CSMD1: variants seen among roughly 807,000 people sequenced by gnomAD.
CSMD1 encodes CUB and Sushi multiple domains 1.
Under a neutral mutation model 417.5 loss-of-function variants are expected in CSMD1, and 213 were observed. That is an observed-to-expected ratio of 0.51 (90% CI 0.46 to 0.57). The LOEUF (loss-of-function observed/expected upper bound fraction) is 0.57, where lower values mean the gene tolerates loss of function less well. Ranked by LOEUF, CSMD1 falls within the 20% of genes least tolerant of loss-of-function variation. The pLI is 0.00. For synonymous variants in CSMD1, 2,862 were observed against 1,736.8 expected (o/e 1.65, Z -16.11); for missense variants, 6,923 against 4,529.7 (o/e 1.53, Z -15.17).
At chr8:4,024,512 T>C (rs185055776) in intron 4 of CSMD1, among the ~76,000 whole-genome samples, 126 of 152,316 alleles carry the variant, frequency 8.3e-4, no homozygotes, top group African/African-American at 3.0e-3. Flanking sequence ...TGTTACAATG[T>C]CCAAGTCAGA....
intron 5 of CSMD1, among the ~76,000 whole-genome samples, chr8:3,963,409 T>G (rs1812455120): frequency 6.6e-6 from 1 of 152,312 alleles, no homozygotes; most frequent in East Asian, 1.9e-4. Context: ...CCATGGTTCC[T>G]AAGTAGCTTG....
In CSMD1 at chr8:4,994,364, A is replaced by T; in HGVS notation, c.53T>A (p.Val18Glu). The T allele has an allele frequency of 6.2e-7, 1 of 1,611,964 alleles. No homozygotes were observed. The highest frequency in any genetic ancestry group is 8.5e-7 in the Non-Finnish European group (1 of 1,179,834). The change falls in exon 1 of 70, where the codon GTG becomes GAG. Residue 18 changes from valine (V) to glutamate (E), a missense_variant. Val to Glu is a moderately radical substitution (Grantham distance 121, BLOSUM62 -2). Coordinates refer to ENST00000635120, the MANE Select transcript of CSMD1 (RefSeq NM_033225.6). ...TGCAGTGAGGAGCCTCGCGCACAGC[A>T]CCAGCAGCCCGAGAAGCAGGAGCAG... ...QSLLLLLGLL[V>E]LCARLLTAAK...
At chr8:3,422,074 A>G (rs1813526913) in intron 12 of CSMD1, among the ~76,000 whole-genome samples, 2 of 149,434 alleles carry the variant, frequency 1.3e-5, no homozygotes, top group South Asian at 2.1e-4. Flanking sequence ...CGTGGATTCT[A>G]TCATCTACAC....
chr8:4,018,743 G>A (rs4875262), intron 4 of CSMD1, among the ~76,000 whole-genome samples: 47,040 of 151,976 alleles, frequency 0.31, 8,423 homozygotes, highest in South Asian at 0.47. Context: ...AGAACGGACA[G>A]CATGTGACAA....
intron 12 of CSMD1, among the ~76,000 whole-genome samples, chr8:3,413,107 G>A (rs549360623): frequency 6.6e-6 from 1 of 152,176 alleles, no homozygotes; most frequent in South Asian, 2.1e-4. Context: ...GTGGCCATGA[G>A]AATTAAAGAA....
At chr8:3,735,274 T>C (rs1584921988) in intron 6 of CSMD1, among the ~76,000 whole-genome samples, 1 of 151,956 alleles carries the variant, frequency 6.6e-6, no homozygotes, top group Admixed American at 6.6e-5. Flanking sequence ...GATCCAAAAC[T>C]TGGCTTATAC....
At chr8:3,933,330 A>C (rs938311389) in intron 5 of CSMD1, among the ~76,000 whole-genome samples, 7 of 152,338 alleles carry the variant, frequency 4.6e-5, no homozygotes, top group Admixed American at 2.0e-4. Context: ...CTTTCATTAA[A>C]TTACTTGAAC....
At chr8:4,159,223 C>G (rs994024953) in intron 3 of CSMD1, among the ~76,000 whole-genome samples, 1 of 152,078 alleles carries the variant, frequency 6.6e-6, no homozygotes, top group African/African-American at 2.4e-5. Flanking sequence ...GCCCGTAATT[C>G]TTTATTGATA....
At chr8:4,659,918 A>G (rs1804480643) in intron 1 of CSMD1, among the ~76,000 whole-genome samples, 1 of 152,122 alleles carries the variant, frequency 6.6e-6, no homozygotes, top group Non-Finnish European at 1.5e-5. Flanking sequence ...GACATAATTC[A>G]ACACCCACTC....
intron 5 of CSMD1, among the ~76,000 whole-genome samples, chr8:3,961,172 T>C (rs1474557131): frequency 6.6e-6 from 1 of 152,184 alleles, no homozygotes; most frequent in Non-Finnish European, 1.5e-5. Flanking sequence ...TAAGTTATCA[T>C]TTTCTCTGCC....
chr8:3,060,965 C>G (rs1050602487), intron 49 of CSMD1, among the ~76,000 whole-genome samples: 2 of 152,106 alleles, frequency 1.3e-5, no homozygotes, highest in Non-Finnish European at 2.9e-5. Flanking sequence ...TTTGTTACCT[C>G]AAAGTGAACA....
chr8:4,316,123 ACCATT>A (rs1798913668), intron 3 of CSMD1, among the ~76,000 whole-genome samples: 1 of 152,158 alleles, frequency 6.6e-6, no homozygotes, highest in African/African-American at 2.4e-5. Context: ...AACCCTCTTA[ACCATT>A]CAAAAACCTT....
At chr8:3,885,358 G>A (rs1327065226) in intron 5 of CSMD1, among the ~76,000 whole-genome samples, 1 of 152,100 alleles carries the variant, frequency 6.6e-6, no homozygotes. Flanking sequence ...TTGTTAAACG[G>A]TTAAACGAAA....
intron 1 of CSMD1, among the ~76,000 whole-genome samples, chr8:4,953,274 C>G (rs774908331): frequency 6.6e-6 from 1 of 152,016 alleles, no homozygotes; most frequent in Admixed American, 6.6e-5. Context: ...TCTAAATAGC[C>G]TAACTAAATC....
intron 3 of CSMD1, among the ~76,000 whole-genome samples, chr8:4,347,166 G>A (rs1159683580): frequency 1.3e-5 from 2 of 152,114 alleles, no homozygotes; most frequent in African/African-American, 4.8e-5. Context: ...TGGGATCGGT[G>A]TTCAAGTTTT....
chr8:4,979,356 G>C (rs1810745571), intron 1 of CSMD1, among the ~76,000 whole-genome samples: 1 of 152,044 alleles, frequency 6.6e-6, no homozygotes, highest in African/African-American at 2.4e-5. Flanking sequence ...CCTTTGTAAA[G>C]ACAAAGAAAC....
chr8:4,398,442 G>A (rs1804411506), intron 3 of CSMD1, among the ~76,000 whole-genome samples: 1 of 128,588 alleles, frequency 7.8e-6, no homozygotes, highest in Non-Finnish European at 1.5e-5. Flanking sequence ...ACCCCAGGCT[G>A]GAGCGCAGTG....
intron 2 of CSMD1, among the ~76,000 whole-genome samples, chr8:4,582,163 T>C (rs1313321836): frequency 6.6e-6 from 1 of 151,940 alleles, no homozygotes; most frequent in Non-Finnish European, 1.5e-5. Context: ...GGCATGTCTG[T>C]AGTGAAAATT....
intron 3 of CSMD1, among the ~76,000 whole-genome samples, chr8:4,418,116 G>C (rs1438193): frequency 1.3e-5 from 2 of 151,338 alleles, no homozygotes; most frequent in African/African-American, 2.4e-5. Context: ...AGCCAACAAA[G>C]CACCTTTTTG....
Sources: gnomAD v4.1 joint callset for allele counts (sites outside exome capture counted in the v4.1 genomes callset) on GRCh38, gnomAD v4.1.1 for gene constraint, MANE v1.5 for transcripts, NCBI Gene and HGNC (gene_info 2026-07-23, HGNC 2026-07-21) for gene names.